Variants in TBC1D15 observed in about 807,000 individuals in gnomAD.
The protein encoded by TBC1D15 is TBC1 domain family member 15, also known as GAP for RAB7.
TBC1D15 carries 39 observed loss-of-function variants against 95.4 expected under a neutral mutation model. That is an observed-to-expected ratio of 0.41 (90% confidence interval 0.32 to 0.53). The LOEUF is 0.53. TBC1D15 is among the 20% of genes least tolerant of loss of function. TBC1D15 has a pLI of 0.29. For synonymous variants in TBC1D15, 258 were observed against 261.3 expected (o/e 0.99, Z 0.12); for missense variants, 733 against 794.3 (o/e 0.92, Z 0.93).
intron 12 of TBC1D15, among the ~76,000 whole-genome samples, chr12:71,915,435 A>G (rs1459830680): frequency 6.9e-6 from 1 of 144,188 alleles, no homozygotes; most frequent in African/African-American, 2.7e-5. Context: ...TTAAATTGCT[A>G]TAGTAGATAT....
chr12:71,895,655 C>T (rs1048065603), intron 7 of TBC1D15, among the ~76,000 whole-genome samples: 9 of 152,016 alleles, frequency 5.9e-5, no homozygotes, highest in Non-Finnish European at 1.0e-4. Flanking sequence ...ATGTTCTATA[C>T]TTACATAATT....
chr12:71,874,484 AT>A lies in TBC1D15; in HGVS notation c.204+1489del, dbSNP rs1459173978. 3.3e-5 allele frequency among the ~76,000 whole-genome samples: 5 copies of A among 151,794 alleles called. No homozygotes were observed. In the East Asian group the frequency reaches 9.6e-4, roughly 29 times the overall value. On this transcript the variant is annotated intron_variant, in intron 3 of 16. Coordinates refer to ENST00000485960, the MANE Select transcript of TBC1D15 (RefSeq NM_001146213.3). ...GTTTTACCTTTTGGAAGTTTGTGGA[AT>A]TTTTTTTCCTGAATATTTTAGATTC...
intron 2 of TBC1D15, 41 bp from the exon 3 acceptor site, chr12:71,872,888 A>G (rs1892988217): frequency 2.1e-6 from 3 of 1,400,750 alleles, no homozygotes; most frequent in Non-Finnish European, 3.0e-6. Flanking sequence ...AGAATAACAT[A>G]TTGCTGAATA....
intron 1 of TBC1D15, among the ~76,000 whole-genome samples, chr12:71,851,815 C>G (rs374270822): frequency 3.2e-5 from 4 of 126,592 alleles, no homozygotes; most frequent in African/African-American, 9.4e-5. Context: ...CAGGGCTCAG[C>G]CCCTGTGGCT....
Position 71,897,972 on chromosome 12 carries a change from A to C in TBC1D15, c.1183+31A>C, listed in dbSNP as rs369407828. ...TTTTTCTTAACAACTTTGGAAATGC[A>C]AGGGGGGATTACATTGAAATCTTGA... On this transcript the variant is annotated intron_variant, in intron 10 of 16. Coordinates refer to ENST00000485960, the MANE Select transcript of TBC1D15 (RefSeq NM_001146213.3). 3 of 1,483,470 alleles carry C rather than the reference A, an allele frequency of 2.0e-6. No homozygotes were observed. The Admixed American group carries it at 5.1e-5, about 25-fold the overall frequency. The allele number at this position is 1,483,470 out of a possible 1,614,324, so 91.9% of individuals were successfully genotyped here.
At chr12:71,903,273 A>G (rs752839987) in intron 10 of TBC1D15, among the ~76,000 whole-genome samples, 3 of 152,192 alleles carry the variant, frequency 2.0e-5, no homozygotes, top group Non-Finnish European at 4.4e-5. Flanking sequence ...AAAGTGCTCA[A>G]TATTACTAGT....
chr12:71,912,676 T>G (rs1164509054), intron 11 of TBC1D15, among the ~76,000 whole-genome samples: 1 of 152,124 alleles, frequency 6.6e-6, no homozygotes, highest in African/African-American at 2.4e-5. Context: ...CCCTCTTTCA[T>G]TAAATATTTA....
chr12:71,915,307 T>C (rs1375800821), intron 12 of TBC1D15, among the ~76,000 whole-genome samples: 1 of 152,024 alleles, frequency 6.6e-6, no homozygotes, highest in Non-Finnish European at 1.5e-5. Flanking sequence ...TGTTCCTTGA[T>C]AAAAGGGATT....
intron 10 of TBC1D15, among the ~76,000 whole-genome samples, chr12:71,906,241 T>TA (rs1900682403): frequency 6.6e-6 from 1 of 152,230 alleles, no homozygotes; most frequent in Non-Finnish European, 1.5e-5. Flanking sequence ...GGGAGGCAGT[T>TA]ATCACTTTTA....
chr12:71,911,516 C>T (rs1252838351), intron 11 of TBC1D15, among the ~76,000 whole-genome samples: 3 of 150,136 alleles, frequency 2.0e-5, no homozygotes, highest in Non-Finnish European at 4.4e-5. Context: ...AGTAAACTAT[C>T]GCAAGGACAA....
chr12:71,867,126 G>A (rs1449082165), intron 1 of TBC1D15, among the ~76,000 whole-genome samples: 1 of 152,156 alleles, frequency 6.6e-6, no homozygotes, highest in African/African-American at 2.4e-5. Context: ...TGAGAGTAAG[G>A]GTTTTTGTTT....
chr12:71,915,448 T>TA (rs1236554792), intron 12 of TBC1D15, among the ~76,000 whole-genome samples: 3,733 of 130,436 alleles, frequency 0.029, 116 homozygotes, highest in African/African-American at 0.072. Flanking sequence ...GTAGATATTC[T>TA]AAAAAAAAAA....
intron 1 of TBC1D15, among the ~76,000 whole-genome samples, chr12:71,845,185 G>C (rs927740266): frequency 6.6e-5 from 10 of 152,202 alleles, no homozygotes; most frequent in African/African-American, 2.4e-4. Context: ...GTATCAGGAA[G>C]TATAGCCTCA....
chr12:71,864,075 CTT>C (rs944597466), intron 1 of TBC1D15, among the ~76,000 whole-genome samples: 6 of 144,256 alleles, frequency 4.2e-5, no homozygotes, highest in South Asian at 4.3e-4. Flanking sequence ...TATTTTCTTG[CTT>C]TTTTTTTTTG....
At chr12:71,846,906 A>G (rs1057360105) in intron 1 of TBC1D15, among the ~76,000 whole-genome samples, 2 of 151,792 alleles carry the variant, frequency 1.3e-5, no homozygotes, top group Non-Finnish European at 2.9e-5. Context: ...GACTAAAGGC[A>G]TGCACCATCA....
chr12:71,907,459 T>C (rs750364154), intron 11 of TBC1D15: 1 of 172,310 alleles, frequency 5.8e-6, no homozygotes, highest in African/African-American at 2.4e-5. Flanking sequence ...GATGAAGTTA[T>C]ATCTTTGCAA....
At position 71,872,132 on chromosome 12, in the gene TBC1D15, C is replaced by T. The variant is rs759602131; in HGVS notation, c.93C>T (p.Asp31=). Residue 31 remains aspartate, a synonymous_variant, in exon 2 of 17, where the codon GAC becomes GAT. Transcript: ENST00000485960. Reference sequence around the variant, plus strand: ...CTTGTGGAAAGACCAATGACCAAGACGGCTTGATTTCAGGAATATTACGTG... The same window carrying T: ...CTTGTGGAAAGACCAATGACCAAGATGGCTTGATTTCAGGAATATTACGTG... ...HSSCGKTNDQ[D]GLISGILRVL... is the part of the protein sequence containing the mutation. The T allele has an allele frequency of 2.2e-5, 35 of 1,576,438 alleles. No individual in the cohort carries two copies. Among genetic ancestry groups the T allele is most frequent in the South Asian group, 2.4e-5 (2 of 83,556 alleles).
intron 1 of TBC1D15, among the ~76,000 whole-genome samples, chr12:71,852,233 G>A (rs887249565): frequency 6.6e-6 from 1 of 152,218 alleles, no homozygotes; most frequent in African/African-American, 2.4e-5. Context: ...CACAGCTGGA[G>A]CTGGAGTGTC....
intron 1 of TBC1D15, chr12:71,840,988 C>T (rs1230662591): frequency 6.6e-6 from 1 of 152,078 alleles, no homozygotes; most frequent in Admixed American, 6.6e-5. Context: ...TTTAAAAAAA[C>T]ATAAAATTAC....
Sources: allele counts gnomAD v4.1 joint callset (sites outside exome capture counted in the v4.1 genomes callset), GRCh38; gene constraint gnomAD v4.1.1; transcripts MANE v1.5; gene names NCBI Gene and HGNC (gene_info 2026-07-23, HGNC 2026-07-21).